NELL2: variants seen among roughly 807,000 people sequenced by gnomAD.
The protein encoded by NELL2 is neural EGFL like 2.
Under a neutral mutation model 109.6 loss-of-function variants are expected in NELL2, and 41 were observed. The ratio of observed to expected loss-of-function variants is 0.37; its 90% CI spans 0.29 to 0.49. The LOEUF (loss-of-function observed/expected upper bound fraction) is 0.49, where lower values mean the gene tolerates loss of function less well. Among genes scored for constraint, NELL2 ranks in the 20% least tolerant of loss-of-function variants. The probability of loss-of-function intolerance (pLI) is 0.98; values close to 1 mark genes in which losing one functional copy is unlikely to be tolerated. For missense variants in NELL2, 900 were observed against 1,008.3 expected (o/e 0.89, Z 1.45); for synonymous variants, 355 against 344.7 (o/e 1.03, Z -0.33).
At chr12:44,699,379 T>A (rs905451943) in intron 12 of NELL2, among the ~76,000 whole-genome samples, 1 of 152,132 alleles carries the variant, frequency 6.6e-6, no homozygotes, top group Non-Finnish European at 1.5e-5. Context: ...AAAATCCTAA[T>A]ATTATACTAT....
At chr12:44,583,945 G>A (rs1944411179) in intron 15 of NELL2, among the ~76,000 whole-genome samples, 1 of 152,032 alleles carries the variant, frequency 6.6e-6, no homozygotes, top group Non-Finnish European at 1.5e-5. Flanking sequence ...GCTAATTTTT[G>A]TATTTTTCAT....
rs139576317 is a variant in NELL2 at position 44,520,895 on chromosome 12, G to A, written c.2176-666C>T. On this transcript the variant is annotated intron_variant, in intron 18 of 19. Coordinates refer to ENST00000429094, the MANE Select transcript of NELL2 (RefSeq NM_001145108.2). ...GGTTTGGGAGATGAAAGCAGCCTTC[G>A]GGCACAGAAACTGACCTTGCTCTTT... 1.4e-3 allele frequency among the ~76,000 whole-genome samples: 213 copies of A among 152,218 alleles called. 7 individuals are homozygous for A. In the East Asian group the frequency reaches 0.034, roughly 24 times the overall value.
At chr12:44,820,176 T>C (rs1646184758) in intron 2 of NELL2, among the ~76,000 whole-genome samples, 1 of 152,174 alleles carries the variant, frequency 6.6e-6, no homozygotes, top group Non-Finnish European at 1.5e-5. Context: ...CCCTAAAATA[T>C]TTAAACGTAT....
At position 44,731,375 on chromosome 12, in the gene NELL2, G is replaced by A. The variant is rs150939808; in HGVS notation, c.995-16634C>T. Among the ~76,000 whole-genome samples, 643 of 151,838 alleles carry A rather than the reference G, an allele frequency of 4.2e-3. 3 individuals carry two copies. The highest frequency in any genetic ancestry group is 0.014 in the African/African-American group (571 of 41,292). ...ATACTAGCAAACTCAATTCAACAGC[G>A]CAGTAGAAGGATTATACACCATGAT... On this transcript the variant is annotated intron_variant, in intron 9 of 19. Coordinates refer to ENST00000429094, the MANE Select transcript of NELL2 (RefSeq NM_001145108.2).
At chr12:44,719,055 C>T (rs1223216605) in intron 9 of NELL2, among the ~76,000 whole-genome samples, 1 of 152,196 alleles carries the variant, frequency 6.6e-6, no homozygotes, top group African/African-American at 2.4e-5. Flanking sequence ...TGGATAGTCA[C>T]TAGCATCATA....
In NELL2 at chr12:44,774,833, C is replaced by G. The variant is rs1445251808; in HGVS notation, c.908G>C (p.Cys303Ser). Reference protein sequence around the residue: ...NCTCLNGTIQCETLICPNPDC... With the variant: ...NCTCLNGTIQSETLICPNPDC... The stretch of plus-strand genomic sequence containing the variant: ...AGGATTTGGGCAGATTAGAGTTTCA[C>G]ACTGGATGGTTCCATTCTGAAAAGG... The change falls in exon 9 of 20, where the codon TGT (cysteine) becomes TCT (serine). Residue 303 changes from cysteine to serine, a missense_variant. Transcript: ENST00000429094. 6.2e-7 allele frequency: 1 copy of G among 1,613,344 alleles called. No individual in the cohort carries two copies. The highest frequency in any genetic ancestry group is 1.7e-5 in the Admixed American group (1 of 60,024).
At chr12:44,843,971 A>G (rs566327671) in intron 2 of NELL2, among the ~76,000 whole-genome samples, 1 of 152,222 alleles carries the variant, frequency 6.6e-6, no homozygotes, top group South Asian at 2.1e-4. Context: ...GCAATCAGCC[A>G]TGATTGTGTC....
chr12:44,704,325 AAC>A (rs201919092), intron 11 of NELL2, among the ~76,000 whole-genome samples: 6 of 131,772 alleles, frequency 4.6e-5, no homozygotes, highest in South Asian at 2.6e-4. Flanking sequence ...ATCCAAAAAA[AAC>A]AAAACCTTTC....
chr12:44,834,838 C>A (rs1944002461), intron 2 of NELL2, among the ~76,000 whole-genome samples: 1 of 152,228 alleles, frequency 6.6e-6, no homozygotes, highest in South Asian at 2.1e-4. Context: ...CTTGGACCCA[C>A]CTCTCAGCGC....
intron 15 of NELL2, among the ~76,000 whole-genome samples, chr12:44,557,526 G>T (rs1009375130): frequency 1.3e-5 from 2 of 152,064 alleles, no homozygotes; most frequent in African/African-American, 4.8e-5. Flanking sequence ...CTGAAGAGGT[G>T]GAATCTACAA....
intron 15 of NELL2, among the ~76,000 whole-genome samples, chr12:44,583,722 G>T (rs1011180275): frequency 1.3e-5 from 2 of 152,118 alleles, no homozygotes; most frequent in African/African-American, 4.8e-5. Flanking sequence ...AGTGTTTAAA[G>T]GTACAAGTGA....
intron 15 of NELL2, among the ~76,000 whole-genome samples, chr12:44,564,174 T>G (rs1943573440): frequency 6.6e-6 from 1 of 152,188 alleles, no homozygotes; most frequent in African/African-American, 2.4e-5. Flanking sequence ...TACCTATAGT[T>G]TTTAGTGAGT....
intron 3 of NELL2, among the ~76,000 whole-genome samples, chr12:44,789,175 G>T (rs556633554): frequency 1.3e-5 from 2 of 152,098 alleles, no homozygotes; most frequent in Non-Finnish European, 2.9e-5. Context: ...CTCCCAGCAG[G>T]AGTCCAACCA....
At chr12:44,722,225 G>T (rs908851621) in intron 9 of NELL2, among the ~76,000 whole-genome samples, 1 of 151,964 alleles carries the variant, frequency 6.6e-6, no homozygotes, top group Non-Finnish European at 1.5e-5. Context: ...GCCCAGGTTG[G>T]AGTGCTGTGG....
intron 9 of NELL2, among the ~76,000 whole-genome samples, chr12:44,725,710 G>A (rs530143594): frequency 6.6e-6 from 1 of 152,278 alleles, no homozygotes; most frequent in African/African-American, 2.4e-5. Context: ...GAACATGGAT[G>A]GAGCTGGAGG....
At chr12:44,615,317 C>T (rs749509580) in intron 13 of NELL2, among the ~76,000 whole-genome samples, 1 of 152,130 alleles carries the variant, frequency 6.6e-6, no homozygotes, top group Non-Finnish European at 1.5e-5. Context: ...TTTTTGGAAT[C>T]TCGAGGCCCT....
At chr12:44,683,498 A>C (rs1244640847) in intron 12 of NELL2, among the ~76,000 whole-genome samples, 1 of 152,020 alleles carries the variant, frequency 6.6e-6, no homozygotes, top group East Asian at 1.9e-4. Flanking sequence ...GTCTTGTGCC[A>C]GTTTTCAAAG....
intron 10 of NELL2, among the ~76,000 whole-genome samples, chr12:44,711,849 A>C (rs962667405): frequency 6.6e-6 from 1 of 152,126 alleles, no homozygotes; most frequent in East Asian, 1.9e-4. Flanking sequence ...TCTGGTAAGA[A>C]ATATTGGATG....
At chr12:44,662,886 T>C (rs1290341454) in intron 13 of NELL2, among the ~76,000 whole-genome samples, 1 of 152,034 alleles carries the variant, frequency 6.6e-6, no homozygotes, top group Non-Finnish European at 1.5e-5. Context: ...AAAACAAACA[T>C]GGAATTCCAT....
Sources: gnomAD v4.1 joint callset for allele counts (sites outside exome capture counted in the v4.1 genomes callset) on GRCh38, gnomAD v4.1.1 for gene constraint, MANE v1.5 for transcripts, NCBI Gene and HGNC (gene_info 2026-07-23, HGNC 2026-07-21) for gene names.